The following SLC16A7 variants were observed in gnomAD, a reference collection of about 807,000 sequenced individuals.
SLC16A7 encodes solute carrier family 16 member 7.
A neutral mutation model predicts 34.9 loss-of-function variants in SLC16A7; 33 were observed. That is an observed-to-expected ratio of 0.94 (90% CI 0.72 to 1.26). SLC16A7 has a LOEUF of 1.26. Ranked by LOEUF, SLC16A7 falls within the 50% of genes most tolerant of loss-of-function variation. The pLI, the probability that SLC16A7 is intolerant of heterozygous loss-of-function variation, is 0.00. For synonymous variants in SLC16A7, 201 were observed against 206.6 expected (o/e 0.97, Z 0.23); for missense variants, 573 against 578.1 (o/e 0.99, Z 0.09).
At chr12:59,641,769 C>A (rs1880697507) in intron 1 of SLC16A7, among the ~76,000 whole-genome samples, 1 of 151,960 alleles carries the variant, frequency 6.6e-6, no homozygotes. Context: ...CTTCTACAAT[C>A]CAGGGCTTAA....
At chr12:59,606,484 G>A (rs1184230682) in intron 1 of SLC16A7, among the ~76,000 whole-genome samples, 1 of 152,132 alleles carries the variant, frequency 6.6e-6, no homozygotes, top group African/African-American at 2.4e-5. Flanking sequence ...TGTCATTTAA[G>A]TGTCTTCTGT....
chr12:59,667,859 C>T (rs1377809018), intron 2 of SLC16A7, among the ~76,000 whole-genome samples: 1 of 152,222 alleles, frequency 6.6e-6, no homozygotes, highest in Admixed American at 6.5e-5. Context: ...GTGCCCCCTC[C>T]TGCTGTGTAC....
intron 3 of SLC16A7, among the ~76,000 whole-genome samples, chr12:59,738,930 T>G (rs1033047696): frequency 4.6e-5 from 7 of 151,680 alleles, no homozygotes; most frequent in Admixed American, 6.6e-5. Flanking sequence ...TATGGAGAAC[T>G]TACAGTTCTC....
At chr12:59,761,140 GC>G (rs1880971580) in intron 3 of SLC16A7, 1 of 1,284,108 alleles carries the variant, frequency 7.8e-7, no homozygotes, top group African/African-American at 1.5e-5. Flanking sequence ...ATATTTGAAA[GC>G]TTTTTGATCT....
intron 1 of SLC16A7, among the ~76,000 whole-genome samples, chr12:59,604,448 C>T (rs1878837841): frequency 1.3e-5 from 2 of 152,132 alleles, no homozygotes; most frequent in African/African-American, 4.8e-5. Context: ...GATTAATGCC[C>T]TAAGTAGTAA....
chr12:59,597,272 A>C (rs1167779313), intron 1 of SLC16A7: 11 of 144,062 alleles, frequency 7.6e-5, no homozygotes, highest in South Asian at 6.7e-4. Flanking sequence ...CACACACACG[A>C]GACATAGAAG....
intron 3 of SLC16A7, among the ~76,000 whole-genome samples, chr12:59,732,559 C>T (rs1877080627): frequency 6.6e-6 from 1 of 152,150 alleles, no homozygotes; most frequent in Non-Finnish European, 1.5e-5. Flanking sequence ...GTGACTGAAG[C>T]CTAATTTGTG....
intron 1 of SLC16A7, among the ~76,000 whole-genome samples, chr12:59,614,680 G>A (rs989147999): frequency 5.3e-5 from 8 of 151,550 alleles, no homozygotes; most frequent in Admixed American, 5.3e-4. Context: ...ATAGGAGTCA[G>A]GCCCTTATAT....
chr12:59,635,926 T>G (rs963306841), intron 1 of SLC16A7, among the ~76,000 whole-genome samples: 1 of 151,940 alleles, frequency 6.6e-6, no homozygotes, highest in Non-Finnish European at 1.5e-5. Context: ...AGTGCATACT[T>G]AGAAGTATCA....
intron 2 of SLC16A7, chr12:59,664,632 A>G (rs565155288): frequency 6.6e-6 from 1 of 152,292 alleles, no homozygotes; most frequent in African/African-American, 2.4e-5. Flanking sequence ...TCAACACAAC[A>G]CATGAGAAGG....
intron 3 of SLC16A7, among the ~76,000 whole-genome samples, chr12:59,770,201 C>T (rs1300668636): frequency 6.6e-6 from 1 of 152,094 alleles, no homozygotes; most frequent in Admixed American, 6.6e-5. Flanking sequence ...CACAGACATA[C>T]ATTGGAAAAT....
intron 1 of SLC16A7, among the ~76,000 whole-genome samples, chr12:59,625,630 G>T (rs1215699814): frequency 6.6e-6 from 1 of 151,790 alleles, no homozygotes; most frequent in Non-Finnish European, 1.5e-5. Flanking sequence ...CATGGGAAAA[G>T]TTGAAAATAA....
intron 3 of SLC16A7, among the ~76,000 whole-genome samples, chr12:59,758,847 C>G (rs1880695497): frequency 6.6e-6 from 1 of 152,002 alleles, no homozygotes; most frequent in South Asian, 2.1e-4. Flanking sequence ...AATTCATTTT[C>G]ATTTGTCAGA....
rs190389383 is a variant in SLC16A7, at chr12:59,719,529, A to C, written c.217+14511A>C. 4.1e-3 allele frequency among the ~76,000 whole-genome samples: 623 copies of C among 152,302 alleles called. 12 individuals are homozygous for C. The highest frequency in any genetic ancestry group is 0.035 in the Admixed American group (535 of 15,278). On this transcript the variant is annotated intron_variant, in intron 3 of 5. Coordinates refer to ENST00000547379, the MANE Select transcript of SLC16A7 (RefSeq NM_001270623.2). ...CCAAATTTTATAACAGTTTGTAATA[A>C]ATAAACTTTAGATAAATTCATTAGT... is the stretch of plus-strand genomic sequence containing the variant.
At chr12:59,680,168 A>G (rs1157480746) in intron 2 of SLC16A7, among the ~76,000 whole-genome samples, 1 of 152,156 alleles carries the variant, frequency 6.6e-6, no homozygotes, top group Admixed American at 6.5e-5. Context: ...GAGAATAGAG[A>G]GGCAAAGGAC....
chr12:59,650,338 C>T (rs2137017222), intron 1 of SLC16A7, among the ~76,000 whole-genome samples: 1 of 152,232 alleles, frequency 6.6e-6, no homozygotes, highest in South Asian at 2.1e-4. Context: ...TTATACACCA[C>T]ATAGTCCAGA....
chr12:59,775,465 T>C lies in SLC16A7; in HGVS notation c.1170T>C (p.Pro390=). The change falls in exon 5 of 6, where the codon CCT becomes CCC. Residue 390 remains proline, a synonymous_variant. Transcript: ENST00000547379. ...AGTGTGGCCCAGTTCTTCTTGGCCC[T>C]CCTCTTGCAGGTAAGAACGTTTTTC... is the stretch of plus-strand genomic sequence containing the variant. ...IVECGPVLLG[P]PLAGKLVDLT... 6.2e-7 allele frequency: 1 copy of C among 1,612,056 alleles called. No individual in the cohort carries two copies. The highest frequency in any genetic ancestry group is 8.5e-7 in the Non-Finnish European group (1 of 1,178,432).
intron 5 of SLC16A7, among the ~76,000 whole-genome samples, chr12:59,775,803 A>G (rs988559437): frequency 1.3e-5 from 2 of 152,142 alleles, no homozygotes; most frequent in African/African-American, 4.8e-5. Context: ...TATCTTTATC[A>G]TTGGTGAACA....
chr12:59,598,089 T>C (rs1878508760), intron 1 of SLC16A7, among the ~76,000 whole-genome samples: 1 of 152,234 alleles, frequency 6.6e-6, no homozygotes, highest in Admixed American at 6.5e-5. Context: ...TATTCCTGGA[T>C]CACGGATCTG....
Sources: gnomAD v4.1 joint callset for allele counts (sites outside exome capture counted in the v4.1 genomes callset) on GRCh38, gnomAD v4.1.1 for gene constraint, MANE v1.5 for transcripts, NCBI Gene and HGNC (gene_info 2026-07-23, HGNC 2026-07-21) for gene names.